Variants in HBS1L observed in about 807,000 individuals in gnomAD.
The protein encoded by HBS1L is HBS1 like translational GTPase.
Under a neutral mutation model 88.9 loss-of-function variants are expected in HBS1L, and 55 were observed. That is an observed-to-expected ratio of 0.62 (90% CI 0.50 to 0.77). The LOEUF (loss-of-function observed/expected upper bound fraction) is 0.77, where lower values mean the gene tolerates loss of function less well. HBS1L is among the 30% of genes least tolerant of loss of function. HBS1L has a pLI of 0.00. For missense variants in HBS1L, 741 were observed against 829.3 expected (o/e 0.89, Z 1.31); for synonymous variants, 267 against 288.5 (o/e 0.93, Z 0.76).
intron 7 of HBS1L, 25 bp from the exon 8 acceptor site, chr6:134,993,900 G>C (rs1323938653): frequency 8.9e-7 from 1 of 1,123,026 alleles, no homozygotes; most frequent in Non-Finnish European, 1.3e-6. Flanking sequence ...AACATGGTTA[G>C]AATGTACGAT....
At chr6:134,999,823 T>A (rs1775398916) in intron 5 of HBS1L, among the ~76,000 whole-genome samples, 1 of 152,130 alleles carries the variant, frequency 6.6e-6, no homozygotes. Context: ...ATGACCAAAG[T>A]AATTAGAAAA....
intron 7 of HBS1L, among the ~76,000 whole-genome samples, chr6:134,995,139 T>C (rs1775255085): frequency 6.6e-6 from 1 of 152,076 alleles, no homozygotes; most frequent in African/African-American, 2.4e-5. Flanking sequence ...CTAAGACTTA[T>C]TCTGAGATCC....
intron 7 of HBS1L, among the ~76,000 whole-genome samples, chr6:134,996,039 G>A (rs748064791): frequency 5.9e-5 from 9 of 152,076 alleles, no homozygotes; most frequent in Non-Finnish European, 1.2e-4. Context: ...GTTTAATCTC[G>A]TTAATCTAGG....
At chr6:134,993,679 C>A in intron 8 of HBS1L, 79 bp downstream of exon 8, 1 of 558,422 alleles carries the variant, frequency 1.8e-6, no homozygotes, top group South Asian at 5.2e-5. Flanking sequence ...AAGTCAAAAT[C>A]CTAGAATTGT....
At position 135,037,983 on chromosome 6, in the gene HBS1L, T is replaced by G. The variant is rs1776612706; in HGVS notation, c.430+1590A>C. 2.6e-6 allele frequency: 4 copies of G among 1,532,432 alleles called. No homozygotes were observed. The African/African-American group carries it at 4.2e-5, about 16-fold the overall frequency. The allele number at this position is 1,532,432 out of a possible 1,614,324, so 94.9% of individuals were successfully genotyped here. On this transcript the variant is annotated intron_variant, in intron 4 of 17. Coordinates refer to ENST00000367837, the MANE Select transcript of HBS1L (RefSeq NM_006620.4). Reference sequence around the variant, plus strand: ...GATTTGCTGACTGAGGATAAGAACTTTGAACATTATCAGCTGAAACTTCAG... The same window carrying G: ...GATTTGCTGACTGAGGATAAGAACTGTGAACATTATCAGCTGAAACTTCAG...
At chr6:134,999,538 C>T (rs1775390152) in intron 5 of HBS1L, among the ~76,000 whole-genome samples, 1 of 151,144 alleles carries the variant, frequency 6.6e-6, no homozygotes, top group South Asian at 2.1e-4. Context: ...ACCTCCGCCT[C>T]CCAGGTTCCA....
intron 8 of HBS1L, among the ~76,000 whole-genome samples, chr6:134,988,822 T>C (rs1433087095): frequency 6.6e-6 from 1 of 152,128 alleles, no homozygotes; most frequent in Non-Finnish European, 1.5e-5. Context: ...TAGGGATTTA[T>C]CCCAGAGAAA....
At chr6:134,968,732 G>T (rs1385154244) in intron 16 of HBS1L, among the ~76,000 whole-genome samples, 5 of 148,020 alleles carry the variant, frequency 3.4e-5, no homozygotes, top group Non-Finnish European at 5.9e-5. Flanking sequence ...CTCAACTTAA[G>T]GCTCCAGGTG....
chr6:134,966,029 T>A (rs1478270494), intron 17 of HBS1L, among the ~76,000 whole-genome samples: 1 of 152,084 alleles, frequency 6.6e-6, no homozygotes, highest in East Asian at 1.9e-4. Flanking sequence ...ATCATTGAAA[T>A]TTTCTGGTTC....
Position 135,022,180 on chromosome 6 carries a change from A to G in HBS1L, c.430+17393T>C, listed in dbSNP as rs574030668. 2.6e-5 allele frequency among the ~76,000 whole-genome samples: 4 copies of G among 152,282 alleles called. No individual in the cohort carries two copies. The South Asian group carries it at 8.3e-4, about 32-fold the overall frequency. On this transcript the variant is annotated intron_variant, in intron 4 of 17. Transcript: ENST00000367837. ...TTTATTTGTCCTCTCCCTTCATTCT[A>G]TTCTTTGGCTAAAGTACTTAGTAAT...
chr6:135,054,299 G>A (rs1020080810), intron 1 of HBS1L, among the ~76,000 whole-genome samples: 1 of 152,250 alleles, frequency 6.6e-6, no homozygotes, highest in African/African-American at 2.4e-5. Flanking sequence ...GGAGAGAGGA[G>A]CTAGAAGCAG....
chr6:135,054,001 TATCAA>T (rs1430104748), intron 1 of HBS1L, among the ~76,000 whole-genome samples: 2 of 152,262 alleles, frequency 1.3e-5, no homozygotes, highest in African/African-American at 2.4e-5. Flanking sequence ...AATACATTTA[TATCAA>T]GCATTACCAG....
intron 4 of HBS1L, chr6:135,026,954 G>A (rs181319758): frequency 1.4e-4 from 21 of 151,564 alleles, no homozygotes; most frequent in African/African-American, 5.1e-4. Flanking sequence ...CACTTTGGGA[G>A]GCCGAGACGG....
intron 2 of HBS1L, among the ~76,000 whole-genome samples, chr6:135,046,210 C>T (rs1000331898): frequency 2.6e-5 from 4 of 151,348 alleles, no homozygotes; most frequent in Non-Finnish European, 2.9e-5. Context: ...TTCAATCCCA[C>T]CTCCTTCTAG....
At chr6:135,025,581 T>C (rs1030401935) in intron 4 of HBS1L, among the ~76,000 whole-genome samples, 33 of 152,096 alleles carry the variant, frequency 2.2e-4, no homozygotes, top group Non-Finnish European at 4.0e-4. Context: ...TACAAGGTGG[T>C]CCGAGCTCAG....
intron 4 of HBS1L, among the ~76,000 whole-genome samples, chr6:135,033,937 T>C (rs890702045): frequency 1.3e-5 from 2 of 152,258 alleles, no homozygotes; most frequent in Non-Finnish European, 2.9e-5. Context: ...TTCAGTCATA[T>C]ACTAATTCAA....
At chr6:135,044,003 T>C (rs2114915093) in intron 2 of HBS1L, among the ~76,000 whole-genome samples, 1 of 152,318 alleles carries the variant, frequency 6.6e-6, no homozygotes, top group East Asian at 1.9e-4. Context: ...AATTGTATTG[T>C]AATGCCACGT....
chr6:135,037,181 G>C, intron 4 of HBS1L: 1 of 1,551,720 alleles, frequency 6.4e-7, no homozygotes, highest in South Asian at 1.2e-5. Flanking sequence ...GATATTCCGG[G>C]TGAAGACTGA....
chr6:134,997,451 C>T lies in HBS1L; in HGVS notation c.745G>A (p.Ala249Thr). The change falls in exon 6 of 18, where the codon GCG becomes ACG. Residue 249 changes from alanine to threonine, a missense_variant. This residue lies in a region of HBS1L where 556 missense variants were observed against 598.4 expected (regional missense o/e 0.93). Coordinates refer to ENST00000367837, the MANE Select transcript of HBS1L (RefSeq NM_006620.4). ...CCTCCTTGCCGCTTCTCCAGTTCCG[C>T]CTTCACATCTATTTGCTGCCTCAGC... ...GKLRQQIDVK[A>T]ELEKRQGGKQ... The T allele has an allele frequency of 1.2e-6, 2 of 1,614,048 alleles. No homozygotes were observed. Among genetic ancestry groups the T allele is most frequent in the Non-Finnish European group, 1.7e-6 (2 of 1,179,986 alleles).
Sources: allele counts gnomAD v4.1 joint callset (sites outside exome capture counted in the v4.1 genomes callset), GRCh38; gene constraint gnomAD v4.1.1; regional missense constraint gnomAD v4.1.1; transcripts MANE v1.5; gene names NCBI Gene and HGNC (gene_info 2026-07-23, HGNC 2026-07-21).